PTPRD: variants seen among roughly 807,000 people sequenced by gnomAD.
The protein encoded by PTPRD is receptor-type tyrosine-protein phosphatase delta.
PTPRD carries 34 observed loss-of-function variants against 214.5 expected under a neutral mutation model. The observed-to-expected ratio is 0.16, with a 90% CI of 0.12 to 0.21. The LOEUF is 0.21. Among genes scored for constraint, PTPRD ranks in the 10% least tolerant of loss-of-function variants. The probability of loss-of-function intolerance (pLI) is 1.00; values close to 1 mark genes in which losing one functional copy is unlikely to be tolerated. For missense variants in PTPRD, 2,545 were observed against 2,398.7 expected (o/e 1.06, Z -1.27); for synonymous variants, 1,128 against 845.7 (o/e 1.33, Z -5.79).
intron 7 of PTPRD, among the ~76,000 whole-genome samples, chr9:9,631,107 A>C (rs1489755785): frequency 1.3e-5 from 2 of 152,064 alleles, no homozygotes; most frequent in Non-Finnish European, 2.9e-5. Context: ...CACATAGACA[A>C]GGATTTAATC....
chr9:10,113,665 T>A (rs748701508), intron 3 of PTPRD, among the ~76,000 whole-genome samples: 1 of 152,152 alleles, frequency 6.6e-6, no homozygotes, highest in Non-Finnish European at 1.5e-5. Flanking sequence ...CAGAACATTT[T>A]TATTATCAGT....
At chr9:9,267,964 G>T (rs553899038) in intron 9 of PTPRD, among the ~76,000 whole-genome samples, 2 of 150,936 alleles carry the variant, frequency 1.3e-5, no homozygotes, top group East Asian at 2.0e-4. Flanking sequence ...CTAAAATCAG[G>T]AACAAGACAA....
chr9:8,546,034 T>G (rs1404970187), intron 14 of PTPRD, among the ~76,000 whole-genome samples: 1 of 152,186 alleles, frequency 6.6e-6, no homozygotes, highest in Non-Finnish European at 1.5e-5. Flanking sequence ...TATTTAGCCT[T>G]AACACAGATC....
intron 5 of PTPRD, among the ~76,000 whole-genome samples, chr9:9,830,594 C>T (rs1394925306): frequency 6.6e-6 from 1 of 151,898 alleles, no homozygotes; most frequent in African/African-American, 2.4e-5. Context: ...ACAAAGGGAA[C>T]AGAGCTTCCT....
intron 12 of PTPRD, among the ~76,000 whole-genome samples, chr9:8,727,740 T>A (rs2098601116): frequency 2.0e-5 from 3 of 152,080 alleles, no homozygotes; most frequent in Admixed American, 2.0e-4. Flanking sequence ...ACTATGGCCT[T>A]AAACTGGGCT....
chr9:9,142,639 A>G (rs1465510232), intron 10 of PTPRD, among the ~76,000 whole-genome samples: 1 of 152,204 alleles, frequency 6.6e-6, no homozygotes, highest in African/African-American at 2.4e-5. Flanking sequence ...ACTTCTGTAC[A>G]TCACTTGATA....
intron 7 of PTPRD, among the ~76,000 whole-genome samples, chr9:9,658,403 CT>C (rs1564369743): frequency 1.3e-5 from 2 of 152,120 alleles, no homozygotes; most frequent in Non-Finnish European, 2.9e-5. Flanking sequence ...AAAATTGACT[CT>C]TCATTTTCTC....
intron 12 of PTPRD, among the ~76,000 whole-genome samples, chr9:8,688,422 G>A (rs368113600): frequency 2.0e-4 from 31 of 151,992 alleles, no homozygotes; most frequent in East Asian, 1.2e-3. Context: ...AAAATTAGCC[G>A]GGCGTGGTGG....
intron 3 of PTPRD, among the ~76,000 whole-genome samples, chr9:10,139,288 GA>G (rs59813570): frequency 0.23 from 34,472 of 148,920 alleles, 4,130 homozygotes; most frequent in South Asian, 0.39. Flanking sequence ...TAATAGCAAT[GA>G]AAAAAAAATG....
chr9:8,565,418 G>A (rs1431189024), intron 14 of PTPRD, among the ~76,000 whole-genome samples: 2 of 152,094 alleles, frequency 1.3e-5, no homozygotes, highest in African/African-American at 2.4e-5. Flanking sequence ...ACATTCATTT[G>A]TTATCAAATA....
intron 7 of PTPRD, among the ~76,000 whole-genome samples, chr9:9,603,896 C>T (rs1427093618): frequency 6.6e-6 from 1 of 151,786 alleles, no homozygotes; most frequent in Non-Finnish European, 1.5e-5. Context: ...AGGTTTTTTA[C>T]AGAGGTCAAC....
chr9:8,876,214 A>ATG (rs1388218871), intron 11 of PTPRD, among the ~76,000 whole-genome samples: 6 of 114,980 alleles, frequency 5.2e-5, no homozygotes, highest in South Asian at 3.6e-4. Context: ...CTATCTGAGT[A>ATG]TGTGTGTGTG....
intron 12 of PTPRD, among the ~76,000 whole-genome samples, chr9:8,649,385 A>C (rs2096759234): frequency 6.6e-6 from 1 of 152,234 alleles, no homozygotes; most frequent in South Asian, 2.1e-4. Flanking sequence ...TTTAAGATAG[A>C]TCCATCTTAC....
intron 11 of PTPRD, among the ~76,000 whole-genome samples, chr9:8,888,976 G>T (rs139963781): frequency 3.4e-4 from 52 of 152,286 alleles, no homozygotes; most frequent in African/African-American, 1.1e-3. Flanking sequence ...TTGGGAAGAT[G>T]AACTGTAATA....
intron 14 of PTPRD, among the ~76,000 whole-genome samples, chr9:8,604,457 C>G (rs2095078106): frequency 6.6e-6 from 1 of 152,116 alleles, no homozygotes; most frequent in Non-Finnish European, 1.5e-5. Flanking sequence ...AAAGTTCAGC[C>G]TGACAAGAGC....
intron 11 of PTPRD, among the ~76,000 whole-genome samples, chr9:8,772,681 T>C (rs1172587984): frequency 1.3e-5 from 2 of 152,190 alleles, no homozygotes; most frequent in African/African-American, 4.8e-5. Context: ...AAACTTGTTT[T>C]AATGTTCTTG....
chr9:10,104,960 G>A (rs1192185345), intron 3 of PTPRD, among the ~76,000 whole-genome samples: 1 of 151,778 alleles, frequency 6.6e-6, no homozygotes, highest in Non-Finnish European at 1.5e-5. Flanking sequence ...CTTTGCACAT[G>A]CTAGGCTTTC....
chr9:8,534,660 G>A (rs959133834), intron 14 of PTPRD, among the ~76,000 whole-genome samples: 5 of 151,030 alleles, frequency 3.3e-5, no homozygotes, highest in African/African-American at 1.2e-4. Flanking sequence ...CACACACTAG[G>A]ACTGTCATTT....
intron 9 of PTPRD, among the ~76,000 whole-genome samples, chr9:9,343,193 T>C (rs1443495539): frequency 1.3e-5 from 2 of 152,154 alleles, no homozygotes; most frequent in Non-Finnish European, 2.9e-5. Context: ...ATAAACATAC[T>C]TGTGCTTGTG....
Sources: allele counts gnomAD v4.1 joint callset (sites outside exome capture counted in the v4.1 genomes callset), GRCh38; gene constraint gnomAD v4.1.1; transcripts MANE v1.5; gene names NCBI Gene and HGNC (gene_info 2026-07-23, HGNC 2026-07-21).